DRC11: variants seen among roughly 807,000 people sequenced by gnomAD.
DRC11 encodes the protein dynein regulatory complex subunit 11.
the DRC11 span, among the ~76,000 whole-genome samples, chr2:236,337,051 C>T: frequency 9.9e-5 from 15 of 152,150 alleles, no homozygotes; most frequent in African/African-American, 3.4e-4. The surrounding 1 kb of genome is among the most constrained non-coding windows in gnomAD (Gnocchi z 4.9). Context: ...GCAGCCTGTC[C>T]GGTCGACATA....
At chr2:236,359,264 G>C in the DRC11 span, among the ~76,000 whole-genome samples, 1 of 151,852 alleles carries the variant, frequency 6.6e-6, no homozygotes, top group Admixed American at 6.6e-5. This position sits in a 1 kb window ranked among gnomAD's most constrained non-coding sequence, Gnocchi z 4.3. Flanking sequence ...TTTACTTGTA[G>C]ATACATTTCT....
At chr2:236,326,620 T>C in the DRC11 span, among the ~76,000 whole-genome samples, 1 of 152,228 alleles carries the variant, frequency 6.6e-6, no homozygotes, top group African/African-American at 2.4e-5. Flanking sequence ...TATTTTTTCA[T>C]AATTATCTCT....
At chr2:236,482,711 A>C in the DRC11 span, among the ~76,000 whole-genome samples, 5 of 152,074 alleles carry the variant, frequency 3.3e-5, no homozygotes, top group African/African-American at 4.8e-5. The surrounding 1 kb of genome is among the most constrained non-coding windows in gnomAD (Gnocchi z 4.5). Flanking sequence ...TTTTTTTCTT[A>C]ATGGCACCTA....
the DRC11 span, among the ~76,000 whole-genome samples, chr2:236,398,357 C>T: frequency 6.6e-6 from 1 of 152,166 alleles, no homozygotes; most frequent in East Asian, 1.9e-4. This position sits in a 1 kb window ranked among gnomAD's most constrained non-coding sequence, Gnocchi z 6.2. Context: ...ATATCACTAG[C>T]ATATCAAACC....
chr2:236,488,797 G>A, the DRC11 span, among the ~76,000 whole-genome samples: 1 of 152,222 alleles, frequency 6.6e-6, no homozygotes, highest in African/African-American at 2.4e-5. Flanking sequence ...TAAGTAAAAT[G>A]TTGTTTTGGG....
At chr2:236,384,633 G>T in the DRC11 span, among the ~76,000 whole-genome samples, 8 of 151,922 alleles carry the variant, frequency 5.3e-5, no homozygotes, top group East Asian at 9.7e-4. Flanking sequence ...TGATGGTAGT[G>T]TCTTTTGCTG....
chr2:236,491,223 ATATATATATATATATATACACAG>A, the DRC11 span, among the ~76,000 whole-genome samples: 19 of 56,346 alleles, frequency 3.4e-4, no homozygotes, highest in South Asian at 1.1e-3. Context: ...CACACAGTAT[ATATATATATATATATATACACAG>A]TATATATATA....
the DRC11 span, among the ~76,000 whole-genome samples, chr2:236,354,691 C>A: frequency 0.12 from 18,193 of 152,204 alleles, 1,422 homozygotes; most frequent in Non-Finnish European, 0.17. Flanking sequence ...CGCCTTGTCC[C>A]CACTGCCTGA....
chr2:236,383,331 AT>A, the DRC11 span, among the ~76,000 whole-genome samples: 2 of 152,128 alleles, frequency 1.3e-5, no homozygotes, highest in Non-Finnish European at 2.9e-5. Context: ...TTTAAATCTC[AT>A]CTTTTTCTTA....
chr2:236,424,638 T>G, the DRC11 span, among the ~76,000 whole-genome samples: 621 of 150,498 alleles, frequency 4.1e-3, 12 homozygotes, highest in African/African-American at 0.015. Context: ...TCACCTTACA[T>G]GCTTAGCATT....
the DRC11 span, among the ~76,000 whole-genome samples, chr2:236,378,121 G>A: frequency 6.6e-6 from 1 of 152,144 alleles, no homozygotes; most frequent in Non-Finnish European, 1.5e-5. Flanking sequence ...ACTATTCGGG[G>A]AAATGTTAAT....
At chr2:236,369,626 T>C in the DRC11 span, among the ~76,000 whole-genome samples, 5 of 152,188 alleles carry the variant, frequency 3.3e-5, no homozygotes. The surrounding 1 kb of genome is among the most constrained non-coding windows in gnomAD (Gnocchi z 4.5). Context: ...TTCTAGAACA[T>C]AACAGATCTT....
the DRC11 span, among the ~76,000 whole-genome samples, chr2:236,396,059 G>A: frequency 6.6e-6 from 1 of 152,050 alleles, no homozygotes; most frequent in Admixed American, 6.6e-5. Flanking sequence ...TTCCCCTCTA[G>A]ATCGTTTAAA....
At chr2:236,354,259 A>G in the DRC11 span, among the ~76,000 whole-genome samples, 3 of 151,198 alleles carry the variant, frequency 2.0e-5, no homozygotes, top group African/African-American at 7.4e-5. Flanking sequence ...TAGTGTGCAC[A>G]TGTGTGCGTG....
At chr2:236,330,444 A>G in the DRC11 span, among the ~76,000 whole-genome samples, 1 of 152,196 alleles carries the variant, frequency 6.6e-6, no homozygotes. This position sits in a 1 kb window ranked among gnomAD's most constrained non-coding sequence, Gnocchi z 5.5. Context: ...TCTGTGCTAG[A>G]CCATTACTTC....
At chr2:236,357,322 ATATATT>A in the DRC11 span, among the ~76,000 whole-genome samples, 2 of 113,262 alleles carry the variant, frequency 1.8e-5, no homozygotes, top group Non-Finnish European at 3.3e-5. Context: ...TATATATTAT[ATATATT>A]CATATATGAA....
the DRC11 span, among the ~76,000 whole-genome samples, chr2:236,482,514 G>T: frequency 6.6e-6 from 1 of 152,140 alleles, no homozygotes; most frequent in Non-Finnish European, 1.5e-5. The surrounding 1 kb of genome is among the most constrained non-coding windows in gnomAD (Gnocchi z 4.5). Context: ...TTAAGAATGA[G>T]CATCTCATCA....
At chr2:236,465,678 A>G in the DRC11 span, 2 of 1,612,734 alleles carry the variant, frequency 1.2e-6, no homozygotes, top group Non-Finnish European at 1.7e-6. The surrounding 1 kb of genome is among the most constrained non-coding windows in gnomAD (Gnocchi z 6.2). Flanking sequence ...GGATTACTGT[A>G]GCACTGACTT....
At chr2:236,364,390 T>C in the DRC11 span, among the ~76,000 whole-genome samples, 1 of 150,174 alleles carries the variant, frequency 6.7e-6, no homozygotes, top group Non-Finnish European at 1.5e-5. Context: ...ACATAGACGA[T>C]AAGGTTGACT....
Sources: allele counts gnomAD v4.1 joint callset (sites outside exome capture counted in the v4.1 genomes callset), GRCh38; gene constraint gnomAD v4.1.1; non-coding constraint Gnocchi (gnomAD v3.1); transcripts MANE v1.5; gene names NCBI Gene and HGNC (gene_info 2026-07-23, HGNC 2026-07-21).